Variants in GRID2 observed in about 807,000 individuals in gnomAD.
GRID2 encodes the protein glutamate ionotropic receptor delta type subunit 2, also known as glutamate receptor ionotropic, delta-2.
In GRID2, 33 loss-of-function variants were observed where a neutral mutation model predicts 114.8. The observed-to-expected ratio is 0.29, with a 90% CI of 0.22 to 0.38. GRID2 has a LOEUF of 0.38. Among genes scored for constraint, GRID2 ranks in the 10% least tolerant of loss-of-function variants. The pLI is 1.00. For missense variants in GRID2, 1,184 were observed against 1,257.7 expected, an observed-to-expected ratio of 0.94 and a Z score of 0.89; for synonymous variants, 505 against 449.9, an observed-to-expected ratio of 1.12 and a Z score of -1.55.
intron 8 of GRID2, among the ~76,000 whole-genome samples, chr4:93,279,834 A>C (rs915936159): frequency 2.0e-5 from 3 of 151,994 alleles, no homozygotes; most frequent in African/African-American, 7.2e-5. Flanking sequence ...GATACTTTCT[A>C]TCAGGATCTT....
At chr4:92,673,279 A>G (rs1028117546) in intron 2 of GRID2, among the ~76,000 whole-genome samples, 5 of 152,320 alleles carry the variant, frequency 3.3e-5, no homozygotes, top group South Asian at 2.1e-4. Context: ...CATCTATGCT[A>G]TAAGACTACT....
At chr4:92,801,071 T>C (rs1224590822) in intron 2 of GRID2, among the ~76,000 whole-genome samples, 1 of 152,018 alleles carries the variant, frequency 6.6e-6, no homozygotes. Flanking sequence ...TTGAGTATTG[T>C]TGCAATGCAA....
At chr4:92,756,139 T>C (rs1737711002) in intron 2 of GRID2, among the ~76,000 whole-genome samples, 1 of 152,152 alleles carries the variant, frequency 6.6e-6, no homozygotes, top group Non-Finnish European at 1.5e-5. Flanking sequence ...TATTCTCCTC[T>C]CTACCTCCAT....
intron 14 of GRID2, among the ~76,000 whole-genome samples, chr4:93,759,784 A>G (rs1473195809): frequency 1.3e-5 from 2 of 152,220 alleles, no homozygotes; most frequent in Non-Finnish European, 2.9e-5. Flanking sequence ...AAGATGTGTC[A>G]TACAAAGTGT....
At chr4:92,725,784 A>G (rs1264271011) in intron 2 of GRID2, among the ~76,000 whole-genome samples, 1 of 152,192 alleles carries the variant, frequency 6.6e-6, no homozygotes, top group African/African-American at 2.4e-5. Context: ...TTAAAAAATG[A>G]AAGTTTTATT....
At chr4:92,861,960 C>T (rs957994719) in intron 2 of GRID2, among the ~76,000 whole-genome samples, 1 of 151,868 alleles carries the variant, frequency 6.6e-6, no homozygotes, top group Non-Finnish European at 1.5e-5. Flanking sequence ...TGTCTGACGC[C>T]CACTATATTA....
chr4:92,355,500 T>G (rs888015930), intron 1 of GRID2, among the ~76,000 whole-genome samples: 2 of 151,794 alleles, frequency 1.3e-5, no homozygotes, highest in African/African-American at 2.4e-5. Context: ...TAGGGTGACT[T>G]TCATACTATG....
chr4:92,401,508 G>C (rs573518439), intron 1 of GRID2, among the ~76,000 whole-genome samples: 4 of 152,072 alleles, frequency 2.6e-5, no homozygotes, highest in African/African-American at 9.6e-5. Context: ...CTGCAATAAA[G>C]CAAATATCAA....
chr4:93,265,583 AC>A (rs530933862), intron 8 of GRID2, among the ~76,000 whole-genome samples: 26 of 152,208 alleles, frequency 1.7e-4, no homozygotes, highest in Non-Finnish European at 2.5e-4. Context: ...GGTCAGAGAA[AC>A]ATTACCAAAC....
chr4:93,518,054 A>T (rs1227513307), intron 13 of GRID2, among the ~76,000 whole-genome samples: 4 of 127,650 alleles, frequency 3.1e-5, no homozygotes, highest in Non-Finnish European at 4.8e-5. Flanking sequence ...CATATACTAT[A>T]TATGTATATA....
chr4:92,508,687 G>C (rs1223566539), intron 1 of GRID2, among the ~76,000 whole-genome samples: 1 of 151,956 alleles, frequency 6.6e-6, no homozygotes, highest in Non-Finnish European at 1.5e-5. Context: ...TGGTGCGAGA[G>C]AGTTGGATCT....
At chr4:93,075,894 T>C (rs1279183225) in intron 2 of GRID2, among the ~76,000 whole-genome samples, 4 of 35,494 alleles carry the variant, frequency 1.1e-4, no homozygotes, top group East Asian at 7.4e-4. Flanking sequence ...TTTTTTTTTT[T>C]TTTTTTTTTT....
intron 2 of GRID2, among the ~76,000 whole-genome samples, chr4:92,600,324 A>C (rs976090072): frequency 1.3e-5 from 2 of 151,716 alleles, no homozygotes; most frequent in Admixed American, 1.3e-4. Flanking sequence ...AGAGAGGGTA[A>C]CTAGAGGATT....
chr4:92,704,701 A>ATCAATCTCTCTCTCTCTCTCTTTC (rs1553918654), intron 2 of GRID2, among the ~76,000 whole-genome samples: 2 of 113,666 alleles, frequency 1.8e-5, no homozygotes, highest in African/African-American at 6.5e-5. Flanking sequence ...CAATCAATCA[A>ATCAATCTCTCTCTCTCTCTCTTTC]TCTCTCTCTC....
At chr4:93,249,846 C>T (rs1380954888) in intron 8 of GRID2, among the ~76,000 whole-genome samples, 4 of 151,612 alleles carry the variant, frequency 2.6e-5, no homozygotes, top group African/African-American at 4.8e-5. Flanking sequence ...CAGGAAAAAA[C>T]GGATGCTGGA....
chr4:92,385,132 C>CTAAT (rs1729880798), intron 1 of GRID2, among the ~76,000 whole-genome samples: 1 of 151,702 alleles, frequency 6.6e-6, no homozygotes, highest in South Asian at 2.1e-4. Context: ...AAGTTTCCTG[C>CTAAT]TATAAATGTT....
At chr4:93,769,934 C>A (rs1410761678) in intron 15 of GRID2, among the ~76,000 whole-genome samples, 2 of 152,150 alleles carry the variant, frequency 1.3e-5, no homozygotes, top group African/African-American at 4.8e-5. Context: ...CTCATGTAGA[C>A]CTATAGAAGC....
At chr4:92,427,193 A>T (rs970216293) in intron 1 of GRID2, among the ~76,000 whole-genome samples, 6 of 152,160 alleles carry the variant, frequency 3.9e-5, no homozygotes, top group Admixed American at 2.6e-4. Flanking sequence ...TCATTCTTGT[A>T]TTAGTTAATC....
At chr4:92,637,683 T>C (rs1026336184) in intron 2 of GRID2, among the ~76,000 whole-genome samples, 4 of 152,026 alleles carry the variant, frequency 2.6e-5, no homozygotes, top group Non-Finnish European at 5.9e-5. Context: ...TTTAAAACTT[T>C]AATCATTGAA....
Sources: gnomAD v4.1 joint callset for allele counts (sites outside exome capture counted in the v4.1 genomes callset) on GRCh38, gnomAD v4.1.1 for gene constraint, MANE v1.5 for transcripts, NCBI Gene and HGNC (gene_info 2026-07-23, HGNC 2026-07-21) for gene names.